Variants in PLA1A observed in about 807,000 individuals in gnomAD.
The protein encoded by PLA1A is phospholipase A1 member A.
In PLA1A, 47 loss-of-function variants were observed where a neutral mutation model predicts 49.4. The observed-to-expected ratio is 0.95, with a 90% confidence interval of 0.75 to 1.21. The LOEUF (loss-of-function observed/expected upper bound fraction) is 1.21. Ranked by LOEUF, PLA1A falls within the 50% of genes most tolerant of loss-of-function variation. The probability of loss-of-function intolerance (pLI) is 0.00; values close to 1 mark genes in which losing one functional copy is unlikely to be tolerated. For synonymous variants in PLA1A, 224 were observed against 207.9 expected (o/e 1.08, Z -0.67); for missense variants, 561 against 563.9 (o/e 0.99, Z 0.05).
At chr3:119,607,136 T>G in intron 2 of PLA1A, 161 bp downstream of exon 2, 3 of 636,830 alleles carry the variant, frequency 4.7e-6, no homozygotes, top group Non-Finnish European at 8.4e-6. Context: ...CATGTCAACA[T>G]GCACACATGG....
intron 9 of PLA1A, 53 bp downstream of exon 9, chr3:119,625,285 T>C: frequency 1.7e-6 from 2 of 1,159,338 alleles, no homozygotes; most frequent in East Asian, 4.7e-5. Context: ...TGGTTACTTT[T>C]TCATTTTACA....
intron 8 of PLA1A, 125 bp downstream of exon 8, chr3:119,619,777 GC>G: frequency 4.1e-6 from 3 of 726,864 alleles, no homozygotes; most frequent in East Asian, 2.6e-5. Context: ...TGTGGCAACA[GC>G]CCCTGGTCTG....
chr3:119,629,282 T>C, intron 10 of PLA1A, 102 bp from the exon 11 acceptor site: 2 of 770,508 alleles, frequency 2.6e-6, no homozygotes, highest in South Asian at 2.8e-5. Flanking sequence ...TGTAGGTGAT[T>C]GCAGATTTCT....
rs1170662657 is a variant in PLA1A at position 119,628,735 on chromosome 3, G to A, written c.1156G>A (p.Ala386Thr). The A allele has an allele frequency of 6.2e-7, 1 of 1,614,122 alleles. No homozygotes were observed. Among genetic ancestry groups the A allele is most frequent in the Non-Finnish European group, 8.5e-7 (1 of 1,179,992 alleles). Residue 386 changes from alanine to threonine, a missense_variant, in exon 10 of 11, where the codon GCC becomes ACC. Transcript: ENST00000273371. Reference protein sequence around the residue: ...KQQRYGKGIIAHATPQCQINQ... With the variant: ...KQQRYGKGIITHATPQCQINQ... ...GCAACGCTATGGGAAAGGAATCATA[G>A]CCCATGCCACCCCACAATGCCAGAT...
At chr3:119,609,880 G>A (rs1423127799) in intron 4 of PLA1A, among the ~76,000 whole-genome samples, 1 of 152,166 alleles carries the variant, frequency 6.6e-6, no homozygotes, top group Non-Finnish European at 1.5e-5. Flanking sequence ...TTACATGGGT[G>A]TAGCATGTGA....
At chr3:119,608,622 T>C (rs1383871034) in intron 2 of PLA1A, 148 bp from the exon 3 acceptor site, 4 of 642,466 alleles carry the variant, frequency 6.2e-6, no homozygotes, top group Non-Finnish European at 5.5e-6. Flanking sequence ...GTCCTCCCTA[T>C]GCTCCAAGTA....
At position 119,609,539 on chromosome 3, in the gene PLA1A, G is replaced by T; in HGVS notation, c.525G>T (p.Val175=). The T allele has an allele frequency of 7.4e-6, 12 of 1,611,758 alleles. No individual in the cohort carries two copies. Among genetic ancestry groups the T allele is most frequent in the Non-Finnish European group, 7.6e-6 (9 of 1,177,886 alleles). ...TGGGGGCCCACGTTGGGGGCATGGT[G>T]GGACAGCTCTTCGGAGGCCAGCTGG... ...VSLGAHVGGM[V]GQLFGGQLGQ... The change falls in exon 4 of 11, where the codon GTG becomes GTT. Residue 175 remains valine, a synonymous_variant. Coordinates refer to ENST00000273371, the MANE Select transcript of PLA1A (RefSeq NM_015900.4).
chr3:119,624,236 A>G (rs903809647), intron 8 of PLA1A, among the ~76,000 whole-genome samples: 1 of 152,108 alleles, frequency 6.6e-6, no homozygotes, highest in African/African-American at 2.4e-5. Context: ...TCCAGAGGGG[A>G]CAGATACCGT....
intron 8 of PLA1A, among the ~76,000 whole-genome samples, chr3:119,622,193 A>G (rs2082949682): frequency 2.2e-5 from 1 of 44,462 alleles, no homozygotes; most frequent in Non-Finnish European, 5.2e-5. Context: ...GAAGAAGAAG[A>G]AGAAGAAGAA....
At chr3:119,604,095 T>C (rs2082652479) in intron 1 of PLA1A, among the ~76,000 whole-genome samples, 1 of 152,254 alleles carries the variant, frequency 6.6e-6, no homozygotes, top group Non-Finnish European at 1.5e-5. Context: ...TTCATTGTGA[T>C]TATTCTTTAA....
intron 5 of PLA1A, 55 bp from the exon 6 acceptor site, chr3:119,615,957 G>T: frequency 8.6e-7 from 1 of 1,164,930 alleles, no homozygotes; most frequent in Non-Finnish European, 1.3e-6. Context: ...TTTGAGGTCC[G>T]CTGTGAGCCG....
intron 1 of PLA1A, among the ~76,000 whole-genome samples, chr3:119,603,381 G>A (rs1010595729): frequency 1.3e-5 from 2 of 152,218 alleles, no homozygotes; most frequent in South Asian, 4.1e-4. Flanking sequence ...GTGAGAGATA[G>A]GAAAGAGTCA....
At chr3:119,622,187 AAGAAGAAGAAGAAGAAGAAGAAGG>A (rs1291242085) in intron 8 of PLA1A, among the ~76,000 whole-genome samples, 861 of 46,468 alleles carry the variant, frequency 0.019, 20 homozygotes, top group East Asian at 0.083. Context: ...GAAGAAGAAG[AAGAAGAAGAAGAAGAAGAAGAAGG>A]AGACAGAATC....
At position 119,618,074 on chromosome 3, in the gene PLA1A, C is replaced by A; in HGVS notation, c.810C>A (p.Ala270=). 6.2e-7 allele frequency: 1 copy of A among 1,613,866 alleles called. No individual in the cohort carries two copies. The highest frequency in any genetic ancestry group is 8.5e-7 in the Non-Finnish European group (1 of 1,179,718). Residue 270 remains alanine, a synonymous_variant, in exon 7 of 11, where the codon GCC becomes GCA. Transcript: ENST00000273371. The stretch of plus-strand genomic sequence containing the variant: ...GGGCTGTGCACCTCTACATCAGCGC[C>A]CTGGAGAATTCCTGTCCACTGATGG... ...HMRAVHLYIS[A]LENSCPLMAF...
At chr3:119,627,895 G>T (rs1427075744) in intron 9 of PLA1A, among the ~76,000 whole-genome samples, 2 of 152,170 alleles carry the variant, frequency 1.3e-5, no homozygotes, top group African/African-American at 4.8e-5. Context: ...TAGTACCTAG[G>T]GGGTACCACA....
chr3:119,605,178 T>A (rs1245853870), intron 1 of PLA1A, among the ~76,000 whole-genome samples: 1 of 152,228 alleles, frequency 6.6e-6, no homozygotes, highest in East Asian at 1.9e-4. Flanking sequence ...TCTCATGTGC[T>A]GTGGGAGTTC....
At chr3:119,603,749 G>A (rs949273185) in intron 1 of PLA1A, among the ~76,000 whole-genome samples, 2 of 152,208 alleles carry the variant, frequency 1.3e-5, no homozygotes, top group African/African-American at 4.8e-5. Flanking sequence ...TCCACCAAAG[G>A]GATGTGAAGA....
intron 6 of PLA1A, 63 bp downstream of exon 6, chr3:119,616,164 T>C: frequency 1.9e-6 from 2 of 1,027,584 alleles, no homozygotes; most frequent in Admixed American, 1.8e-5. Context: ...CCAACAGCTT[T>C]TGTGTTGAGT....
In PLA1A at chr3:119,616,099, C is replaced by A; in HGVS notation, c.752C>A (p.Ala251Glu). Residue 251 changes from alanine (A) to glutamate (E), a missense_variant and splice_region_variant, in exon 6 of 11, where the codon GCA (alanine) becomes GAA (glutamate). Coordinates refer to ENST00000273371, the MANE Select transcript of PLA1A (RefSeq NM_015900.4). ...DQPGCPTFFY[A>E]GYSYLICDHM... ...CCTGGCTGCCCCACCTTCTTTTACG[C>A]AGGTCAGAAAGCCAGTACAATCTGG... is the stretch of plus-strand genomic sequence containing the variant. The A allele has an allele frequency of 1.2e-6, 2 of 1,602,264 alleles. No individual in the cohort carries two copies. The highest frequency in any genetic ancestry group is 1.7e-6 in the Non-Finnish European group (2 of 1,169,218).
Sources: gnomAD v4.1 joint callset for allele counts (sites outside exome capture counted in the v4.1 genomes callset) on GRCh38, gnomAD v4.1.1 for gene constraint, MANE v1.5 for transcripts, NCBI Gene and HGNC (gene_info 2026-07-23, HGNC 2026-07-21) for gene names.